The following CDH13 variants were observed in gnomAD, a reference collection of about 807,000 sequenced individuals.
The protein encoded by CDH13 is cadherin 13.
A neutral mutation model predicts 63.8 loss-of-function variants in CDH13; 24 were observed. The ratio of observed to expected loss-of-function variants is 0.38; its 90% CI spans 0.27 to 0.53. The LOEUF (loss-of-function observed/expected upper bound fraction) is 0.53, where lower values mean the gene tolerates loss of function less well. Among genes scored for constraint, CDH13 ranks in the 20% least tolerant of loss-of-function variants. The pLI is 0.85. For synonymous variants in CDH13, 503 were observed against 355.3 expected (o/e 1.42, Z -4.67); for missense variants, 1,049 against 903.1 (o/e 1.16, Z -2.07).
intron 1 of CDH13, among the ~76,000 whole-genome samples, chr16:82,855,092 G>GT (rs1483457839): frequency 6.6e-6 from 1 of 152,204 alleles, no homozygotes; most frequent in Non-Finnish European, 1.5e-5. Flanking sequence ...ATTTTGACTG[G>GT]TAGGTGAAGT....
intron 2 of CDH13, among the ~76,000 whole-genome samples, chr16:82,949,974 G>A (rs998275428): frequency 6.6e-6 from 1 of 152,020 alleles, no homozygotes; most frequent in African/African-American, 2.4e-5. Context: ...GCAAGCAAAA[G>A]GAATTCACAA....
rs571565652 is a variant in CDH13 at position 83,215,073 on chromosome 16, C to CTTTTTTTTTTTTTTTTTTTTT, written c.484-2271_484-2251dup. Among the ~76,000 whole-genome samples the CTTTTTTTTTTTTTTTTTTTTT allele has an allele frequency of 3.9e-4, 22 of 56,240 alleles. 7 individuals are homozygous for CTTTTTTTTTTTTTTTTTTTTT. The highest frequency in any genetic ancestry group is 0.025 in the Middle Eastern group (1 of 40). 36.9% of individuals were successfully genotyped at this position (56,240 alleles called of 152,430 possible). A position where few individuals can be genotyped will look rare whatever the true frequency, so the allele number is the denominator to read the frequency against. On this transcript the variant is annotated intron_variant, in intron 4 of 13. Transcript: ENST00000567109. Reference sequence around the variant, plus strand: ...TTTCATCAGAGAGTATCAAACACCTCTTTTTTTTTTTTTTTTTTTTTGAGA... The same window carrying CTTTTTTTTTTTTTTTTTTTTT: ...TTTCATCAGAGAGTATCAAACACCTCTTTTTTTTTTTTTTTTTTTTTTTTTTTTTTTTTTTTTTTTTTGAGA...
At chr16:82,992,569 T>A (rs989567201) in intron 2 of CDH13, among the ~76,000 whole-genome samples, 9 of 152,280 alleles carry the variant, frequency 5.9e-5, no homozygotes, top group African/African-American at 1.9e-4. Context: ...TCTGGAACAA[T>A]ACCCCAAGGT....
intron 1 of CDH13, among the ~76,000 whole-genome samples, chr16:82,657,215 A>T (rs1200060563): frequency 2.6e-5 from 4 of 152,220 alleles, no homozygotes; most frequent in African/African-American, 9.6e-5. Context: ...TTTAATTTAT[A>T]AATGAGGCAC....
At chr16:82,829,374 T>C (rs1379667659) in intron 1 of CDH13, 1 of 152,206 alleles carries the variant, frequency 6.6e-6, no homozygotes. Context: ...TGCTTGCCTG[T>C]TAAGCCATTG....
intron 7 of CDH13, among the ~76,000 whole-genome samples, chr16:83,524,677 C>A (rs915510917): frequency 1.3e-5 from 2 of 152,034 alleles, no homozygotes; most frequent in African/African-American, 4.8e-5. Flanking sequence ...TGGTCTCGAT[C>A]TCCTGACCTG....
chr16:82,639,141 C>A (rs1223510477), intron 1 of CDH13, among the ~76,000 whole-genome samples: 2 of 152,052 alleles, frequency 1.3e-5, no homozygotes, highest in Non-Finnish European at 2.9e-5. Context: ...CTTTCCCACT[C>A]CCCTCATTAT....
At chr16:82,928,431 C>A (rs1018770344) in intron 2 of CDH13, among the ~76,000 whole-genome samples, 4 of 152,104 alleles carry the variant, frequency 2.6e-5, no homozygotes, top group Non-Finnish European at 1.5e-5. Flanking sequence ...TGACACAGAC[C>A]ATTAACTGTC....
chr16:83,420,087 G>C (rs1188332802), intron 6 of CDH13, among the ~76,000 whole-genome samples: 1 of 152,080 alleles, frequency 6.6e-6, no homozygotes, highest in Non-Finnish European at 1.5e-5. Context: ...TCCCAGAAAA[G>C]ATGAGCAGAA....
chr16:83,107,911 C>G (rs1241027975), intron 3 of CDH13, among the ~76,000 whole-genome samples: 2 of 150,972 alleles, frequency 1.3e-5, no homozygotes, highest in African/African-American at 4.9e-5. Flanking sequence ...CATCCGCCTG[C>G]TGGATTCAAG....
intron 5 of CDH13, among the ~76,000 whole-genome samples, chr16:83,236,277 G>C (rs1424172): frequency 0.99 from 150,783 of 152,098 alleles, 74,758 homozygotes; most frequent in Middle Eastern, 1. Context: ...GTTTTGTGCT[G>C]TCTTGGGAGC....
Position 83,047,753 on chromosome 16 carries a change from C to G in CDH13, c.366+15535C>G, listed in dbSNP as rs1917933309. ...AGAATGAATATTGATATTAATAATG[C>G]AGATCGTAGTCAATTTATTTAGCTC... On this transcript the variant is annotated intron_variant, in intron 3 of 13. Coordinates refer to ENST00000567109, the MANE Select transcript of CDH13 (RefSeq NM_001257.5). This position sits in a 1 kb window ranked among gnomAD's most constrained non-coding sequence, Gnocchi z 4.9. Among the ~76,000 whole-genome samples the G allele has an allele frequency of 6.6e-6, 1 of 152,144 alleles. No homozygotes were observed. The highest frequency in any genetic ancestry group is 6.5e-5 in the Admixed American group (1 of 15,270).
At chr16:83,146,758 A>C (rs1173650224) in intron 4 of CDH13, among the ~76,000 whole-genome samples, 1 of 151,990 alleles carries the variant, frequency 6.6e-6, no homozygotes, top group Admixed American at 6.6e-5. Flanking sequence ...TAGATATTTC[A>C]AAAAAAATGG....
chr16:83,324,041 T>TTCTTC (rs1555530341), intron 5 of CDH13, among the ~76,000 whole-genome samples: 98 of 80,474 alleles, frequency 1.2e-3, no homozygotes, highest in Middle Eastern at 6.0e-3. Context: ...CTTCTTCTTC[T>TTCTTC]TTTTTTTTTT....
At chr16:83,521,278 A>G (rs756339069) in intron 7 of CDH13, among the ~76,000 whole-genome samples, 4 of 152,208 alleles carry the variant, frequency 2.6e-5, no homozygotes, top group Non-Finnish European at 4.4e-5. Context: ...TTATAAAGTA[A>G]TCGGCCACCC....
chr16:82,688,483 T>G (rs903402577), intron 1 of CDH13, among the ~76,000 whole-genome samples: 6 of 152,246 alleles, frequency 3.9e-5, no homozygotes, highest in Non-Finnish European at 5.9e-5. Context: ...CTCTGAAGTC[T>G]ATCAAAGCAG....
intron 1 of CDH13, among the ~76,000 whole-genome samples, chr16:82,629,379 C>A (rs772569542): frequency 3.3e-5 from 5 of 152,180 alleles, no homozygotes; most frequent in Non-Finnish European, 7.3e-5. Flanking sequence ...TAATTGATAT[C>A]CTGGTAGCAA....
intron 5 of CDH13, among the ~76,000 whole-genome samples, chr16:83,244,305 A>C (rs1904767805): frequency 6.6e-6 from 1 of 152,152 alleles, no homozygotes; most frequent in Admixed American, 6.5e-5. Flanking sequence ...TTTATTTAAC[A>C]AACATCTAGT....
In CDH13 at chr16:83,188,148, C is replaced by A. The variant is rs117700334; in HGVS notation, c.484-29197C>A. On this transcript the variant is annotated intron_variant, in intron 4 of 13. Transcript: ENST00000567109. ...TTATTCTAATTGAGTGGGAAAGCCA[C>A]TGGTGGGCTTTGGTGAAGACAGATG... Among the ~76,000 whole-genome samples the A allele has an allele frequency of 6.9e-4, 105 of 152,288 alleles. 1 individual carries two copies. The East Asian group carries it at 0.012, about 18-fold the overall frequency.
Sources: gnomAD v4.1 joint callset for allele counts (sites outside exome capture counted in the v4.1 genomes callset) on GRCh38, gnomAD v4.1.1 for gene constraint, Gnocchi (gnomAD v3.1) non-coding constraint, MANE v1.5 for transcripts, NCBI Gene and HGNC (gene_info 2026-07-23, HGNC 2026-07-21) for gene names.